Variants in ANO3 observed in about 807,000 individuals in gnomAD.
The protein encoded by ANO3 is anoctamin 3.
A neutral mutation model predicts 144.8 loss-of-function variants in ANO3; 99 were observed. The observed-to-expected ratio is 0.68, with a 90% CI of 0.58 to 0.81. The LOEUF (loss-of-function observed/expected upper bound fraction) is 0.81, where lower values mean the gene tolerates loss of function less well. Ranked by LOEUF, ANO3 falls within the 30% of genes least tolerant of loss-of-function variation. ANO3 has a pLI of 0.00. For missense variants in ANO3, 905 were observed against 1,202.2 expected, an observed-to-expected ratio of 0.75 and a Z score of 3.66; for synonymous variants, 414 against 392.6, an observed-to-expected ratio of 1.05 and a Z score of -0.64.
At chr11:26,294,512 T>C (rs1266959915) in intron 1 of ANO3, among the ~76,000 whole-genome samples, 2 of 152,214 alleles carry the variant, frequency 1.3e-5, no homozygotes, top group African/African-American at 4.8e-5. Flanking sequence ...AGCACTATTC[T>C]AGATATCATG....
At chr11:26,561,326 AAT>A in intron 14 of ANO3, 1 of 816,950 alleles carries the variant, frequency 1.2e-6, no homozygotes, top group Non-Finnish European at 1.7e-6. Context: ...TGAGAAAATA[AAT>A]ATATTTTTAT....
At chr11:26,212,087 T>C (rs1355029896) in intron 1 of ANO3, among the ~76,000 whole-genome samples, 2 of 152,066 alleles carry the variant, frequency 1.3e-5, no homozygotes, top group Admixed American at 1.3e-4. Flanking sequence ...AGGGATAGTA[T>C]TAGGAGAAAT....
intron 5 of ANO3, among the ~76,000 whole-genome samples, chr11:26,513,483 A>C (rs1405525377): frequency 6.6e-6 from 1 of 152,154 alleles, no homozygotes; most frequent in Admixed American, 6.6e-5. Flanking sequence ...ATCGGGAACA[A>C]CCTGGTAGTA....
chr11:26,535,597 T>TTTG (rs1487295866), intron 9 of ANO3, among the ~76,000 whole-genome samples: 1 of 138,834 alleles, frequency 7.2e-6, no homozygotes, highest in Non-Finnish European at 1.6e-5. Context: ...TTTTTTTTTT[T>TTTG]TTTCAGATGG....
At chr11:26,384,755 T>C (rs1856679707) in intron 1 of ANO3, among the ~76,000 whole-genome samples, 1 of 152,212 alleles carries the variant, frequency 6.6e-6, no homozygotes, top group Admixed American at 6.5e-5. Context: ...TTTGTGCTTA[T>C]ATTCTTACTC....
intron 14 of ANO3, among the ~76,000 whole-genome samples, chr11:26,589,428 T>C (rs1056392839): frequency 4.0e-5 from 6 of 151,458 alleles, no homozygotes; most frequent in African/African-American, 1.5e-4. Flanking sequence ...TTTTTTTTTT[T>C]AGTTTCTACA....
intron 14 of ANO3, among the ~76,000 whole-genome samples, chr11:26,577,502 G>T (rs1851017898): frequency 6.6e-6 from 1 of 150,408 alleles, no homozygotes; most frequent in Non-Finnish European, 1.5e-5. Flanking sequence ...GGCAGAGGTT[G>T]CAGTGAAGCT....
At chr11:26,309,049 G>T (rs1333266228), upstream of ANO3, among the ~76,000 whole-genome samples, 1 of 152,108 alleles carries the variant, frequency 6.6e-6, no homozygotes, top group African/African-American at 2.4e-5. Context: ...TTTCAGGATT[G>T]CACACATTTC....
intron 14 of ANO3, among the ~76,000 whole-genome samples, chr11:26,585,313 G>A (rs2132871433): frequency 6.6e-6 from 1 of 152,096 alleles, no homozygotes; most frequent in East Asian, 1.9e-4. Context: ...TATATATCTA[G>A]ATTTGTCAGT....
chr11:26,521,186 C>T (rs929582324), intron 6 of ANO3, among the ~76,000 whole-genome samples: 3 of 152,074 alleles, frequency 2.0e-5, no homozygotes, highest in African/African-American at 7.2e-5. Context: ...CTCCAATTGA[C>T]AATTGTTAGC....
intron 7 of ANO3, among the ~76,000 whole-genome samples, chr11:26,528,648 T>G (rs1849227414): frequency 6.6e-6 from 1 of 152,132 alleles, no homozygotes; most frequent in African/African-American, 2.4e-5. Flanking sequence ...TTACTCTCTG[T>G]CTTTAGAAAT....
intron 23 of ANO3, among the ~76,000 whole-genome samples, chr11:26,646,702 T>G (rs1853355848): frequency 6.6e-6 from 1 of 152,114 alleles, no homozygotes; most frequent in Admixed American, 6.6e-5. Flanking sequence ...TGTCTATTTT[T>G]CTCTAGGTTT....
At chr11:26,455,507 C>A (rs1021937438) in intron 3 of ANO3, among the ~76,000 whole-genome samples, 7 of 152,102 alleles carry the variant, frequency 4.6e-5, no homozygotes, top group East Asian at 1.9e-4. Flanking sequence ...TAGGAATCCA[C>A]CTTACAAGGG....
At chr11:26,576,990 G>A (rs1246751876) in intron 14 of ANO3, among the ~76,000 whole-genome samples, 2 of 151,972 alleles carry the variant, frequency 1.3e-5, no homozygotes, top group African/African-American at 2.4e-5. Context: ...CTCAACGTTG[G>A]CCCATTCAGA....
intron 17 of ANO3, among the ~76,000 whole-genome samples, chr11:26,605,804 T>G (rs1413258143): frequency 1.3e-5 from 2 of 152,158 alleles, no homozygotes; most frequent in Admixed American, 1.3e-4. Context: ...CATTTTTTAT[T>G]GTGTCTATTT....
chr11:26,621,238 G>T (rs1041043130), intron 17 of ANO3, among the ~76,000 whole-genome samples: 2 of 152,156 alleles, frequency 1.3e-5, no homozygotes, highest in African/African-American at 4.8e-5. Context: ...AGCTGAGAAT[G>T]AATTCCAAAA....
intron 4 of ANO3, among the ~76,000 whole-genome samples, chr11:26,496,231 T>G (rs1860934988): frequency 6.6e-6 from 1 of 152,246 alleles, no homozygotes; most frequent in Non-Finnish European, 1.5e-5. Context: ...TGCCTACATT[T>G]CATCTGTTAC....
chr11:26,280,440 C>T (rs1341399197), intron 1 of ANO3, among the ~76,000 whole-genome samples: 4 of 152,074 alleles, frequency 2.6e-5, no homozygotes, highest in Non-Finnish European at 2.9e-5. Context: ...GAAGCCAGTC[C>T]GAGTCCCAAA....
At chr11:26,460,051 A>T (rs1259293584) in intron 3 of ANO3, 5 of 449,454 alleles carry the variant, frequency 1.1e-5, no homozygotes, top group African/African-American at 2.0e-5. Context: ...TTCATTTTCA[A>T]CATTAGAGAT....
Sources: gnomAD v4.1 joint callset for allele counts (sites outside exome capture counted in the v4.1 genomes callset) on GRCh38, gnomAD v4.1.1 for gene constraint, MANE v1.5 for transcripts, NCBI Gene and HGNC (gene_info 2026-07-23, HGNC 2026-07-21) for gene names.